SLC26A7: variants seen among roughly 807,000 people sequenced by gnomAD.
The protein encoded by SLC26A7 is anion exchange transporter.
Under a neutral mutation model 82.5 loss-of-function variants are expected in SLC26A7, and 59 were observed. The ratio of observed to expected loss-of-function variants is 0.72; its 90% CI spans 0.58 to 0.89. The LOEUF (loss-of-function observed/expected upper bound fraction) is 0.89. Ranked by LOEUF, SLC26A7 falls within the 40% of genes least tolerant of loss-of-function variation. The pLI, the probability that SLC26A7 is intolerant of heterozygous loss-of-function variation, is 0.00. For synonymous variants in SLC26A7, 271 were observed against 274.3 expected, an observed-to-expected ratio of 0.99 and a Z score of 0.12; for missense variants, 820 against 793.0, an observed-to-expected ratio of 1.03 and a Z score of -0.41.
upstream of SLC26A7, among the ~76,000 whole-genome samples, chr8:91,245,299 G>A (rs577091891): frequency 2.0e-5 from 3 of 152,220 alleles, no homozygotes; most frequent in Admixed American, 1.3e-4. Context: ...AATTGGAATC[G>A]GTTATTTTTC....
At chr8:91,339,266 TAAG>T (rs1813331909) in intron 7 of SLC26A7, among the ~76,000 whole-genome samples, 1 of 152,070 alleles carries the variant, frequency 6.6e-6, no homozygotes, top group African/African-American at 2.4e-5. Flanking sequence ...ATGGTAAACT[TAAG>T]GAGGTGGGTT....
At chr8:91,213,344 C>G (rs1260955122) in intron 1 of SLC26A7, among the ~76,000 whole-genome samples, 1 of 152,130 alleles carries the variant, frequency 6.6e-6, no homozygotes, top group African/African-American at 2.4e-5. Flanking sequence ...TTATTAATAG[C>G]TGTAAAAACA....
intron 2 of SLC26A7, among the ~76,000 whole-genome samples, chr8:91,284,504 G>T (rs1411807228): frequency 3.9e-5 from 6 of 152,150 alleles, no homozygotes; most frequent in Non-Finnish European, 7.4e-5. Flanking sequence ...TTCCAAATAT[G>T]ATTGGCCTAT....
chr8:91,341,671 G>C (rs1296461215), intron 8 of SLC26A7, among the ~76,000 whole-genome samples: 1 of 152,094 alleles, frequency 6.6e-6, no homozygotes, highest in African/African-American at 2.4e-5. Context: ...TCTTTTACTC[G>C]AAACTTCCCA....
chr8:91,285,138 A>C (rs1405566559), intron 2 of SLC26A7, among the ~76,000 whole-genome samples: 1 of 152,254 alleles, frequency 6.6e-6, no homozygotes, highest in Non-Finnish European at 1.5e-5. Flanking sequence ...GTTTGCTGGC[A>C]AGCTTTGACA....
chr8:91,287,879 C>T (rs10097220), intron 2 of SLC26A7, among the ~76,000 whole-genome samples: 80,115 of 151,986 alleles, frequency 0.53, 24,142 homozygotes, highest in South Asian at 0.68. Context: ...TACCTCTCAC[C>T]ATGCCTTTAT....
At chr8:91,374,135 C>G (rs1012240265) in intron 15 of SLC26A7, among the ~76,000 whole-genome samples, 9 of 151,642 alleles carry the variant, frequency 5.9e-5, no homozygotes, top group African/African-American at 1.5e-4. Flanking sequence ...TTTGGTTTAT[C>G]TAGCTAATAG....
chr8:91,286,975 C>T lies in SLC26A7; in HGVS notation c.194-2161C>T, dbSNP rs111726424. ...AAAGGATACTTGATGTTTTACAGTA[C>T]TGTATATCTGAATTAGTTCATTCCT... On this transcript the variant is annotated intron_variant, in intron 2 of 18. Transcript: ENST00000276609. Among the ~76,000 whole-genome samples the T allele has an allele frequency of 1.4e-3, 206 of 152,178 alleles. 2 individuals carry two copies. Among genetic ancestry groups the T allele is most frequent in the African/African-American group, 4.9e-3 (202 of 41,510 alleles).
intron 2 of SLC26A7, among the ~76,000 whole-genome samples, chr8:91,238,061 C>T (rs781590330): frequency 2.6e-5 from 4 of 152,074 alleles, no homozygotes; most frequent in Non-Finnish European, 4.4e-5. Context: ...TTTTTGGACC[C>T]CCAGATTTTT....
At chr8:91,375,552 CCCCCAAACTCTTCTGGCTTGTAATATTT>C (rs1814487876) in intron 15 of SLC26A7, among the ~76,000 whole-genome samples, 1 of 151,798 alleles carries the variant, frequency 6.6e-6, no homozygotes, top group Admixed American at 6.6e-5. Flanking sequence ...TAAAAACAGA[CCCCCAAACTCTTCTGGCTTGTAATATTT>C]TTGCTGAGAA....
At chr8:91,246,125 C>T (rs1013077536), upstream of SLC26A7, among the ~76,000 whole-genome samples, 36 of 152,134 alleles carry the variant, frequency 2.4e-4, no homozygotes, top group Non-Finnish European at 2.5e-4. Flanking sequence ...TTTCTCTCCA[C>T]CTGGTTATCT....
chr8:91,295,678 T>C lies in SLC26A7; in HGVS notation c.452T>C (p.Val151Ala), dbSNP rs756588558. Residue 151 changes from valine to alanine, a missense_variant, in exon 4 of 19, where the codon GTT becomes GCT. Physicochemically the swap from Val to Ala is moderately conservative, Grantham distance 64 (BLOSUM62 0). Coordinates refer to ENST00000276609, the MANE Select transcript of SLC26A7 (RefSeq NM_052832.4). ...EMQRIHVAAA[V>A]SFLGGVIQVA... is the part of the protein sequence containing the mutation. Reference sequence around the variant, plus strand: ...CAAAGGATCCACGTTGCTGCAGCAGTTTCCTTCTTGGGAGGTGTGATTCAG... The same window carrying C: ...CAAAGGATCCACGTTGCTGCAGCAGCTTCCTTCTTGGGAGGTGTGATTCAG... The C allele has an allele frequency of 1.2e-6, 2 of 1,613,890 alleles. No homozygotes were observed. The highest frequency in any genetic ancestry group is 1.7e-5 in the Admixed American group (1 of 60,008).
rs974168709 is a variant in SLC26A7 at position 91,378,383 on chromosome 8, A to C, written c.1675+8550A>C. 2.0e-5 allele frequency among the ~76,000 whole-genome samples: 3 copies of C among 146,996 alleles called. No individual in the cohort carries two copies. In the East Asian group the frequency reaches 5.8e-4, roughly 29 times the overall value. On this transcript the variant is annotated intron_variant, in intron 15 of 18. Transcript: ENST00000276609. The stretch of plus-strand genomic sequence containing the variant: ...TGTATAATTATATATTTATATAAAT[A>C]ATATATATTATATATAATATAAAGT...
chr8:91,344,123 G>A, intron 9 of SLC26A7: 1 of 985,340 alleles, frequency 1.0e-6, no homozygotes, highest in Non-Finnish European at 1.2e-6. Context: ...CCAGGCATTG[G>A]CTGTCATACT....
intron 5 of SLC26A7, among the ~76,000 whole-genome samples, chr8:91,328,448 G>A (rs981089220): frequency 1.3e-5 from 2 of 152,060 alleles, no homozygotes. Context: ...TAAACAAGTT[G>A]AATAAATGAA....
At chr8:91,238,454 A>G (rs962567477) in intron 2 of SLC26A7, among the ~76,000 whole-genome samples, 4 of 151,630 alleles carry the variant, frequency 2.6e-5, no homozygotes, top group African/African-American at 9.7e-5. Context: ...ATTGATGTAT[A>G]TGATATAGCC....
chr8:91,332,703 T>TA (rs902697903), intron 5 of SLC26A7, among the ~76,000 whole-genome samples: 32 of 151,542 alleles, frequency 2.1e-4, no homozygotes, highest in African/African-American at 7.5e-4. Context: ...GCTAATTTTT[T>TA]AAATTTTTCA....
chr8:91,306,544 T>C (rs933448237), intron 4 of SLC26A7, among the ~76,000 whole-genome samples: 1 of 152,144 alleles, frequency 6.6e-6, no homozygotes, highest in Non-Finnish European at 1.5e-5. Context: ...TTTAGGATGA[T>C]TTTAGATTTG....
chr8:91,296,770 T>G (rs991849620), intron 4 of SLC26A7, among the ~76,000 whole-genome samples: 2 of 152,168 alleles, frequency 1.3e-5, no homozygotes, highest in African/African-American at 4.8e-5. Context: ...TTCTATGGCT[T>G]GTATCTGAGC....
Sources: gnomAD v4.1 joint callset for allele counts (sites outside exome capture counted in the v4.1 genomes callset) on GRCh38, gnomAD v4.1.1 for gene constraint, MANE v1.5 for transcripts, NCBI Gene and HGNC (gene_info 2026-07-23, HGNC 2026-07-21) for gene names.